SLC26A9: variants seen among roughly 807,000 people sequenced by gnomAD.
The protein encoded by SLC26A9 is solute carrier family 26 member 9.
A neutral mutation model predicts 87.1 loss-of-function variants in SLC26A9; 46 were observed. The ratio of observed to expected loss-of-function variants is 0.53; its 90% confidence interval spans 0.42 to 0.67. SLC26A9 has a LOEUF of 0.67. SLC26A9 is among the 30% of genes least tolerant of loss of function. SLC26A9 has a pLI of 0.00. For missense variants in SLC26A9, 927 were observed against 1,018.3 expected, an observed-to-expected ratio of 0.91 and a Z score of 1.22; for synonymous variants, 437 against 409.1, an observed-to-expected ratio of 1.07 and a Z score of -0.82.
intron 9 of SLC26A9, 85 bp from the exon 10 acceptor site, chr1:205,927,690 T>G: frequency 7.0e-7 from 1 of 1,426,622 alleles, no homozygotes; most frequent in Non-Finnish European, 9.7e-7. Context: ...AGCTGGACTG[T>G]GGGCCTAAGA....
rs188537315 is a variant in SLC26A9, at chr1:205,917,205, C to T, written c.2328+78G>A. On this transcript the variant is annotated intron_variant, in intron 20 of 20. Transcript: ENST00000367135. ...GCTGGAGGTGAGACAGCTGAGTGAA[C>T]GCCTTGTATTTGACAGCGACCCCAT... The T allele has an allele frequency of 2.4e-4, 350 of 1,435,128 alleles. 1 individual carries two copies. The African/African-American group carries it at 3.2e-3, about 13-fold the overall frequency. 88.9% of individuals were successfully genotyped at this position (1,435,128 alleles called of 1,614,324 possible).
rs1395778595 is a variant in SLC26A9 at position 205,935,841 on chromosome 1, T to C, written c.-18-3A>G. On this transcript the variant is annotated splice_region_variant and splice_polypyrimidine_tract_variant and intron_variant, in intron 1 of 20. Coordinates refer to ENST00000367135, the MANE Select transcript of SLC26A9 (RefSeq NM_052934.4). Reference sequence around the variant, plus strand: ...CTCATATCTGGGGCATTTACAAGCTTTGGGAGAAGCAGAGGAGGGGAGGGT... The same window carrying C: ...CTCATATCTGGGGCATTTACAAGCTCTGGGAGAAGCAGAGGAGGGGAGGGT... The C allele has an allele frequency of 6.2e-7, 1 of 1,609,642 alleles. No homozygotes were observed. The highest frequency in any genetic ancestry group is 8.5e-7 in the Non-Finnish European group (1 of 1,177,098).
At position 205,932,778 on chromosome 1, in the gene SLC26A9, T is replaced by C. The variant is rs749497212; in HGVS notation, c.300A>G (p.Ala100=). The change falls in exon 4 of 21, where the codon GCA becomes GCG. Residue 100 remains alanine (A), a synonymous_variant. Transcript: ENST00000367135. Reference sequence around the variant, plus strand: ...AGAAGGAGGAGTAGAGGCCATTGACTGCAGGAAGGTTGGCCAGCAGAGCAA... The same window carrying C: ...AGAAGGAGGAGTAGAGGCCATTGACCGCAGGAAGGTTGGCCAGCAGAGCAA... ...MAFALLANLP[A]VNGLYSSFFP... 12 of 1,600,256 alleles carry C rather than the reference T, an allele frequency of 7.5e-6. No homozygotes were observed. The highest frequency in any genetic ancestry group is 1.0e-5 in the Non-Finnish European group (12 of 1,173,650).
In SLC26A9 at chr1:205,929,875, T is replaced by A. The variant is rs201080345; in HGVS notation, c.717+17A>T. ...TGGAGCCTTGCTCCAATGGCAGGGG[T>A]GCATCCCCAGACTCACAAAGACGAT... is the stretch of plus-strand genomic sequence containing the variant. On this transcript the variant is annotated intron_variant, in intron 6 of 20. Transcript: ENST00000367135. 1 of 1,568,154 alleles carries A rather than the reference T, an allele frequency of 6.4e-7. No homozygotes were observed. Among genetic ancestry groups the A allele is most frequent in the Non-Finnish European group, 8.7e-7 (1 of 1,149,072 alleles).
chr1:205,931,464 GGTT>G (rs1265492784), intron 5 of SLC26A9, among the ~76,000 whole-genome samples: 6 of 36,742 alleles, frequency 1.6e-4, no homozygotes, highest in Non-Finnish European at 2.8e-4. Context: ...GCCCTAACTT[GGTT>G]TTTTTTTTTT....
chr1:205,936,622 A>G (rs1267084806), intron 1 of SLC26A9, among the ~76,000 whole-genome samples: 1 of 151,966 alleles, frequency 6.6e-6, no homozygotes, highest in Non-Finnish European at 1.5e-5. Flanking sequence ...CCCTCTTCCA[A>G]TTACTGGGTC....
chr1:205,931,469 T>TTTTTTTTTTTTTGTTTTTTTTG (rs1558126810), intron 5 of SLC26A9, among the ~76,000 whole-genome samples: 4 of 46,014 alleles, frequency 8.7e-5, no homozygotes, highest in African/African-American at 2.3e-4. Context: ...AACTTGGTTT[T>TTTTTTTTTTTTTGTTTTTTTTG]TTTTTTTTTT....
chr1:205,935,651 G>T, intron 2 of SLC26A9, 45 bp downstream of exon 2: 1 of 1,610,888 alleles, frequency 6.2e-7, no homozygotes, highest in Non-Finnish European at 8.5e-7. Context: ...AAAGGATTTT[G>T]GTAGGGAGCA....
At chr1:205,915,882 A>G (rs887980703) in intron 20 of SLC26A9, among the ~76,000 whole-genome samples, 1 of 152,176 alleles carries the variant, frequency 6.6e-6, no homozygotes, top group Non-Finnish European at 1.5e-5. Flanking sequence ...CCCACCTGCC[A>G]TCAGCACTGT....
chr1:205,920,312 C>T, intron 17 of SLC26A9, 82 bp from the exon 18 acceptor site: 1 of 1,567,332 alleles, frequency 6.4e-7, no homozygotes, highest in Non-Finnish European at 8.8e-7. Flanking sequence ...AAACGTACTT[C>T]AGAGGGGAAG....
In SLC26A9 at chr1:205,917,302, C is replaced by T; in HGVS notation, c.2309G>A (p.Ser770Asn). 1.2e-6 allele frequency: 2 copies of T among 1,613,990 alleles called. No individual in the cohort carries two copies. The highest frequency in any genetic ancestry group is 1.7e-6 in the Non-Finnish European group (2 of 1,179,998). The change falls in exon 20 of 21, where the codon AGC becomes AAC. Residue 770 changes from serine to asparagine, a missense_variant. Ser to Asn is a conservative substitution (Grantham distance 46). Transcript: ENST00000367135. ...GCTCACCTGCTCTAAGTCCCAGTAGCTGCGAATGTCCTCCTCTGAGTCGTA... is the reference window on the plus strand; with the variant it reads ...GCTCACCTGCTCTAAGTCCCAGTAGTTGCGAATGTCCTCCTCTGAGTCGTA... ...SLYDSEEDIR[S>N]YWDLEQEMFG...
At position 205,914,805 on chromosome 1, in the gene SLC26A9, G is replaced by T; in HGVS notation, c.*552C>A. ...CAAGGCCTAGACTCCTGGGTGTGGA[G>T]AGCACATGGTCCCTGGGTGCAGAGC... On this transcript the variant is annotated 3_prime_UTR_variant, in exon 21 of 21. Transcript: ENST00000367135. 1 of 1,501,714 alleles carries T rather than the reference G, an allele frequency of 6.7e-7. No homozygotes were observed. The highest frequency in any genetic ancestry group is 1.3e-5 in the South Asian group (1 of 77,012). The allele number at this position is 1,501,714 out of a possible 1,614,324, so 93.0% of individuals were successfully genotyped here.
In SLC26A9 at chr1:205,927,489, C is replaced by T. The variant is rs778069822; in HGVS notation, c.1215+3G>A. On this transcript the variant is annotated splice_donor_region_variant and intron_variant, in intron 10 of 20. Coordinates refer to ENST00000367135, the MANE Select transcript of SLC26A9 (RefSeq NM_052934.4). ...CCCCCAACTCCCCTAGAACAAGGCT[C>T]ACCTGGGATTTTCCTCCAGCTCCAT... 1.5e-5 allele frequency: 24 copies of T among 1,613,376 alleles called. No homozygotes were observed. In the East Asian group the frequency reaches 4.7e-4, roughly 31 times the overall value.
intron 3 of SLC26A9, 56 bp from the exon 4 acceptor site, chr1:205,932,868 A>G: frequency 6.2e-7 from 1 of 1,600,660 alleles, no homozygotes; most frequent in Non-Finnish European, 8.5e-7. Context: ...TGGGGATCAC[A>G]GAGGGATGGA....
intron 13 of SLC26A9, among the ~76,000 whole-genome samples, chr1:205,924,084 A>T (rs1002655945): frequency 2.6e-5 from 4 of 152,074 alleles, no homozygotes; most frequent in Non-Finnish European, 1.5e-5. Context: ...CTTTGGAAGG[A>T]TGTTGAATCT....
intron 5 of SLC26A9, among the ~76,000 whole-genome samples, chr1:205,931,465 G>GTTTTTTGTTTTTTTTTTTTTTTT (rs1659300805): frequency 1.0e-5 from 1 of 96,012 alleles, no homozygotes; most frequent in Non-Finnish European, 2.0e-5. Flanking sequence ...CCCTAACTTG[G>GTTTTTTGTTTTTTTTTTTTTTTT]TTTTTTTTTT....
rs143913961 is a variant in SLC26A9 at position 205,941,297 on chromosome 1, G to A, written c.-19+2068C>T. 9.1e-3 allele frequency among the ~76,000 whole-genome samples: 1,380 copies of A among 152,150 alleles called. 54 individuals carry two copies. The highest frequency in any genetic ancestry group is 0.072 in the Admixed American group (1,094 of 15,284). ...AATTCTCCTGCCTCAGCCTCCCTAGGAGCTGGGATTACTGGTGCGCGCCAT... is the reference window on the plus strand; with the variant it reads ...AATTCTCCTGCCTCAGCCTCCCTAGAAGCTGGGATTACTGGTGCGCGCCAT... On this transcript the variant is annotated intron_variant, in intron 1 of 20. Transcript: ENST00000367135.
At chr1:205,919,195 A>G (rs16856468) in intron 18 of SLC26A9, among the ~76,000 whole-genome samples, 13,453 of 152,222 alleles carry the variant, frequency 0.088, 690 homozygotes, top group African/African-American at 0.13. Flanking sequence ...TTCAACCCAG[A>G]GCAGAAGGAA....
At chr1:205,941,605 G>C (rs813797) in intron 1 of SLC26A9, among the ~76,000 whole-genome samples, 6 of 152,158 alleles carry the variant, frequency 3.9e-5, no homozygotes, top group African/African-American at 1.2e-4. Flanking sequence ...AGGTGTCTTA[G>C]AGACTGCATC....
Sources: allele counts gnomAD v4.1 joint callset (sites outside exome capture counted in the v4.1 genomes callset), GRCh38; gene constraint gnomAD v4.1.1; transcripts MANE v1.5; gene names NCBI Gene and HGNC (gene_info 2026-07-23, HGNC 2026-07-21).